KCNIP4: variants seen among roughly 807,000 people sequenced by gnomAD.
The protein encoded by KCNIP4 is Kv channel-interacting protein 4.
In KCNIP4, 12 loss-of-function variants were observed where a neutral mutation model predicts 34.0. The observed-to-expected ratio is 0.35, with a 90% CI of 0.23 to 0.57. The LOEUF (loss-of-function observed/expected upper bound fraction) is 0.57. Ranked by LOEUF, KCNIP4 falls within the 20% of genes least tolerant of loss-of-function variation. The pLI is 0.83. For missense variants in KCNIP4, 238 were observed against 311.7 expected (o/e 0.76, Z 1.78); for synonymous variants, 124 against 102.2 (o/e 1.21, Z -1.29).
intron 1 of KCNIP4, among the ~76,000 whole-genome samples, chr4:21,391,227 T>G (rs1188621260): frequency 6.6e-6 from 1 of 152,206 alleles, no homozygotes; most frequent in Non-Finnish European, 1.5e-5. Flanking sequence ...ATGTTCCAAA[T>G]ACTTTATAAT....
chr4:20,754,790 AT>A (rs1173722071), intron 4 of KCNIP4, among the ~76,000 whole-genome samples: 2 of 152,164 alleles, frequency 1.3e-5, no homozygotes, highest in African/African-American at 4.8e-5. Context: ...CAGAAATGTT[AT>A]TTTTCAAATA....
intron 1 of KCNIP4, among the ~76,000 whole-genome samples, chr4:21,184,739 G>T (rs1005536219): frequency 1.3e-5 from 2 of 152,104 alleles, no homozygotes; most frequent in African/African-American, 4.8e-5. Context: ...ATCAATTATG[G>T]CTAAGGAAAA....
In KCNIP4 at chr4:21,784,422, G is replaced by GA. The variant is rs34837235; in HGVS notation, c.61+164148dup. On this transcript the variant is annotated intron_variant, in intron 1 of 8. Transcript: ENST00000382152. ...CCCAAAGAAAATATTCTTAACACTA[G>GA]AAAAAAAAACATTTTTTGATTAAAA... Among the ~76,000 whole-genome samples, 558 of 148,722 alleles carry GA rather than the reference G, an allele frequency of 3.8e-3. 3 individuals carry two copies. The highest frequency in any genetic ancestry group is 7.1e-3 in the Middle Eastern group (2 of 282).
At chr4:21,130,855 T>C (rs1436139375) in intron 1 of KCNIP4, among the ~76,000 whole-genome samples, 1 of 152,224 alleles carries the variant, frequency 6.6e-6, no homozygotes, top group Non-Finnish European at 1.5e-5. Context: ...TGAGTTATAA[T>C]GGGGTTACAG....
intron 1 of KCNIP4, among the ~76,000 whole-genome samples, chr4:21,331,588 A>C (rs1384650500): frequency 6.6e-6 from 1 of 152,134 alleles, no homozygotes. Flanking sequence ...TCATTCATTC[A>C]ACAGATATTT....
chr4:21,473,568 T>C (rs1730647029), intron 1 of KCNIP4, among the ~76,000 whole-genome samples: 1 of 152,202 alleles, frequency 6.6e-6, no homozygotes, highest in Admixed American at 6.5e-5. Context: ...AATTGGAGCT[T>C]TACATACATT....
intron 1 of KCNIP4, among the ~76,000 whole-genome samples, chr4:21,116,539 T>C (rs1749692122): frequency 6.6e-6 from 1 of 152,236 alleles, no homozygotes; most frequent in Admixed American, 6.5e-5. Flanking sequence ...TTCTGTACTT[T>C]ATGCCTTCCG....
chr4:21,694,943 A>AAAAAAAAAAAAAC (rs1560637409), intron 1 of KCNIP4, among the ~76,000 whole-genome samples: 1 of 45,334 alleles, frequency 2.2e-5, no homozygotes, highest in African/African-American at 5.5e-5. Context: ...AAAATAAATA[A>AAAAAAAAAAAAAC]ATAAATAAAG....
chr4:21,726,304 A>T (rs535575946), intron 1 of KCNIP4, among the ~76,000 whole-genome samples: 5 of 152,142 alleles, frequency 3.3e-5, no homozygotes, highest in Non-Finnish European at 7.3e-5. Context: ...CAGCTCCAAC[A>T]GCCTTTACAG....
chr4:21,758,170 G>A (rs189808836), intron 1 of KCNIP4, among the ~76,000 whole-genome samples: 89 of 152,226 alleles, frequency 5.8e-4, no homozygotes, highest in African/African-American at 2.1e-3. Flanking sequence ...TTAAAGTTTT[G>A]GGGTGCAATT....
intron 3 of KCNIP4, among the ~76,000 whole-genome samples, chr4:20,776,279 T>C (rs944837317): frequency 6.6e-6 from 1 of 152,158 alleles, no homozygotes; most frequent in African/African-American, 2.4e-5. Flanking sequence ...AAACAATGCA[T>C]GTTTTTGTTT....
chr4:20,771,407 T>C (rs1174162680), intron 3 of KCNIP4, among the ~76,000 whole-genome samples: 1 of 152,188 alleles, frequency 6.6e-6, no homozygotes, highest in African/African-American at 2.4e-5. Flanking sequence ...TTGATCTTTT[T>C]TGTTACTTAT....
chr4:20,733,428 AT>A (rs1419483267), intron 6 of KCNIP4, among the ~76,000 whole-genome samples: 1 of 152,206 alleles, frequency 6.6e-6, no homozygotes, highest in Non-Finnish European at 1.5e-5. Context: ...TAACTTAAAC[AT>A]TTAGATTTAT....
chr4:20,841,158 T>A (rs1403238377), intron 3 of KCNIP4, among the ~76,000 whole-genome samples: 1 of 152,220 alleles, frequency 6.6e-6, no homozygotes, highest in South Asian at 2.1e-4. Context: ...ACTTCAATTT[T>A]ACTCAGTAGA....
chr4:20,902,606 A>G (rs1385608361), intron 1 of KCNIP4, among the ~76,000 whole-genome samples: 2 of 151,758 alleles, frequency 1.3e-5, no homozygotes, highest in African/African-American at 4.8e-5. Context: ...TGCAACCACC[A>G]CCTCCCGGGT....
At chr4:21,683,080 C>T (rs1016802167) in intron 1 of KCNIP4, among the ~76,000 whole-genome samples, 1 of 152,088 alleles carries the variant, frequency 6.6e-6, no homozygotes, top group African/African-American at 2.4e-5. Flanking sequence ...TGCAATAAAG[C>T]AAAGAACAAT....
chr4:21,349,460 T>G (rs1395003320), intron 1 of KCNIP4, among the ~76,000 whole-genome samples: 1 of 152,178 alleles, frequency 6.6e-6, no homozygotes, highest in Admixed American at 6.5e-5. Context: ...TTTTTAAGAA[T>G]TAATCTACTA....
intron 1 of KCNIP4, among the ~76,000 whole-genome samples, chr4:20,958,796 G>A (rs1733565619): frequency 6.6e-6 from 1 of 152,184 alleles, no homozygotes; most frequent in Admixed American, 6.6e-5. Context: ...TTGTATCTCT[G>A]ACATCAAACA....
At chr4:20,782,191 C>A (rs1265083690) in intron 3 of KCNIP4, among the ~76,000 whole-genome samples, 1 of 152,110 alleles carries the variant, frequency 6.6e-6, no homozygotes, top group South Asian at 2.1e-4. Flanking sequence ...CAGGGTACAG[C>A]CTCTCTCCAG....
Sources: allele counts gnomAD v4.1 joint callset (sites outside exome capture counted in the v4.1 genomes callset), GRCh38; gene constraint gnomAD v4.1.1; transcripts MANE v1.5; gene names NCBI Gene and HGNC (gene_info 2026-07-23, HGNC 2026-07-21).